Variants in PDE10A observed in about 807,000 individuals in gnomAD.
PDE10A encodes the protein phosphodiesterase 10A.
PDE10A carries 39 observed loss-of-function variants against 97.7 expected under a neutral mutation model. That is an observed-to-expected ratio of 0.40 (90% CI 0.31 to 0.52). The LOEUF is 0.52. Ranked by LOEUF, PDE10A falls within the 20% of genes least tolerant of loss-of-function variation. The pLI, the probability that PDE10A is intolerant of heterozygous loss-of-function variation, is 0.56. For missense variants in PDE10A, 731 were observed against 1,047.8 expected (o/e 0.70, Z 4.17); for synonymous variants, 371 against 376.8 (o/e 0.98, Z 0.18).
chr6:165,430,434 A>C, intron 8 of PDE10A, 89 bp from the exon 9 acceptor site: 1 of 761,640 alleles, frequency 1.3e-6, no homozygotes, highest in Non-Finnish European at 2.2e-6. Context: ...TTATTTATTG[A>C]AAGAAGGCCT....
chr6:165,334,695 A>T (rs1781546455), intron 21 of PDE10A, among the ~76,000 whole-genome samples: 1 of 152,200 alleles, frequency 6.6e-6, no homozygotes, highest in South Asian at 2.1e-4. Flanking sequence ...GCCCATTATG[A>T]CTTAGGCCTT....
At chr6:165,939,864 C>T (rs796824677) in intron 1 of PDE10A, 3 of 152,226 alleles carry the variant, frequency 2.0e-5, no homozygotes, top group Admixed American at 1.3e-4. Context: ...TCCCAAAGTC[C>T]TTGTTTTTGT....
intron 1 of PDE10A, among the ~76,000 whole-genome samples, chr6:165,679,377 G>A (rs948148838): frequency 1.3e-5 from 2 of 152,194 alleles, no homozygotes; most frequent in African/African-American, 2.4e-5. Flanking sequence ...CAAGAAGTTG[G>A]AAAGAACCTT....
intron 1 of PDE10A, chr6:165,576,302 A>AT: frequency 1.4e-6 from 1 of 702,438 alleles, no homozygotes; most frequent in South Asian, 1.6e-5. Context: ...TCAATTGATA[A>AT]TTTTAATGAA....
intron 1 of PDE10A, among the ~76,000 whole-genome samples, chr6:165,963,787 C>A (rs1784426494): frequency 6.6e-6 from 1 of 152,208 alleles, no homozygotes; most frequent in Admixed American, 6.5e-5. Flanking sequence ...TCCTCCTTGA[C>A]CACTCAGGCT....
At chr6:165,870,330 G>T (rs1781169234) in intron 1 of PDE10A, among the ~76,000 whole-genome samples, 1 of 152,106 alleles carries the variant, frequency 6.6e-6, no homozygotes, top group Non-Finnish European at 1.5e-5. Context: ...CATACAAACG[G>T]CCAAGAAGTA....
At chr6:165,769,959 A>C (rs573593935) in intron 1 of PDE10A, among the ~76,000 whole-genome samples, 14 of 152,292 alleles carry the variant, frequency 9.2e-5, no homozygotes, top group African/African-American at 3.1e-4. Flanking sequence ...CCATTAAGTA[A>C]TTTTCCTTTT....
chr6:165,393,154 C>T (rs1354008193), intron 15 of PDE10A, among the ~76,000 whole-genome samples: 1 of 152,172 alleles, frequency 6.6e-6, no homozygotes, highest in Admixed American at 6.5e-5. Flanking sequence ...GACAACAACA[C>T]AGCACCATCT....
intron 19 of PDE10A, 47 bp from the exon 20 acceptor site, chr6:165,339,405 C>T: frequency 9.1e-7 from 1 of 1,095,126 alleles, no homozygotes; most frequent in Non-Finnish European, 1.4e-6. Flanking sequence ...TTTCAAATTG[C>T]TATACTATTT....
At chr6:165,610,530 CAAA>C (rs201763144) in intron 1 of PDE10A, among the ~76,000 whole-genome samples, 2 of 55,124 alleles carry the variant, frequency 3.6e-5, no homozygotes. Flanking sequence ...GACTCCGTCT[CAAA>C]AAAAAAAAAA....
intron 1 of PDE10A, among the ~76,000 whole-genome samples, chr6:165,679,448 G>A (rs1157249543): frequency 6.6e-6 from 1 of 152,162 alleles, no homozygotes; most frequent in Admixed American, 6.5e-5. Flanking sequence ...GCCTGGAAAG[G>A]GGAAATCTGG....
intron 1 of PDE10A, among the ~76,000 whole-genome samples, chr6:165,804,233 T>C (rs1308247554): frequency 2.0e-5 from 3 of 152,266 alleles, no homozygotes; most frequent in African/African-American, 7.2e-5. Context: ...ATAGGGAAGA[T>C]TCAAGGAAAA....
rs1188149410 is a variant in PDE10A at position 165,655,441 on chromosome 6, T to C, written c.865+6506A>G. Among the ~76,000 whole-genome samples, 1 of 152,082 alleles carries C rather than the reference T, an allele frequency of 6.6e-6. No individual in the cohort carries two copies. Among genetic ancestry groups the C allele is most frequent in the Non-Finnish European group, 1.5e-5 (1 of 68,022 alleles). On this transcript the variant is annotated intron_variant, in intron 1 of 21. Transcript: ENST00000539869. The surrounding 1 kb of genome is among the most constrained non-coding windows in gnomAD (Gnocchi z 4.5). ...GAACAGCCCCACCATTTACCCAATC[T>C]TTCCAGCCAAAAACCCAGGCATGGA...
chr6:165,899,882 T>C (rs1000106616), intron 1 of PDE10A, among the ~76,000 whole-genome samples: 6 of 152,246 alleles, frequency 3.9e-5, no homozygotes, highest in African/African-American at 1.2e-4. Flanking sequence ...GGAGTTGGGT[T>C]GCTCAGCAAC....
intron 6 of PDE10A, 60 bp downstream of exon 6, chr6:165,435,177 A>T: frequency 7.3e-7 from 1 of 1,371,118 alleles, no homozygotes; most frequent in Non-Finnish European, 1.0e-6. Flanking sequence ...ATGATATGCC[A>T]TCTTTCTTAA....
intron 1 of PDE10A, among the ~76,000 whole-genome samples, chr6:165,736,551 G>A (rs1056129053): frequency 2.0e-5 from 3 of 152,114 alleles, no homozygotes; most frequent in African/African-American, 7.2e-5. Context: ...CCAGCCCCAG[G>A]CTCTTTGACC....
At chr6:165,987,607 A>G (rs1332721182) in exon 1 of PDE10A, 1 of 418,444 alleles carries the variant, frequency 2.4e-6, no homozygotes, top group African/African-American at 2.1e-5. Context: ...CAGTGAGAGA[A>G]AGAAAAAGAA....
intron 1 of PDE10A, among the ~76,000 whole-genome samples, chr6:165,693,297 T>A (rs1344372702): frequency 6.6e-6 from 1 of 151,874 alleles, no homozygotes; most frequent in East Asian, 1.9e-4. Flanking sequence ...TTGGGAGGCC[T>A]AGGTGGGTGG....
At chr6:165,632,638 CT>C (rs1394359391) in intron 1 of PDE10A, among the ~76,000 whole-genome samples, 4 of 152,212 alleles carry the variant, frequency 2.6e-5, no homozygotes, top group African/African-American at 9.7e-5. Context: ...GAGACTATGA[CT>C]TTGATCCACA....
Sources: gnomAD v4.1 joint callset for allele counts (sites outside exome capture counted in the v4.1 genomes callset) on GRCh38, gnomAD v4.1.1 for gene constraint, Gnocchi (gnomAD v3.1) non-coding constraint, MANE v1.5 for transcripts, NCBI Gene and HGNC (gene_info 2026-07-23, HGNC 2026-07-21) for gene names.